The following INPP5A variants were observed in gnomAD, a reference collection of about 807,000 sequenced individuals.
INPP5A encodes 43 kDa inositol polyphosphate 5-phophatase.
In INPP5A, 14 loss-of-function variants were observed where a neutral mutation model predicts 65.2. The ratio of observed to expected loss-of-function variants is 0.21; its 90% CI spans 0.14 to 0.34. INPP5A has a LOEUF of 0.34. Ranked by LOEUF, INPP5A falls within the 10% of genes least tolerant of loss-of-function variation. INPP5A has a pLI of 1.00. For synonymous variants in INPP5A, 207 were observed against 208.3 expected, an observed-to-expected ratio of 0.99 and a Z score of 0.05; for missense variants, 431 against 545.6, an observed-to-expected ratio of 0.79 and a Z score of 2.09.
chr10:132,580,448 T>C (rs1564923237), intron 1 of INPP5A, among the ~76,000 whole-genome samples: 1 of 152,226 alleles, frequency 6.6e-6, no homozygotes, highest in Non-Finnish European at 1.5e-5. Flanking sequence ...CTCCCAGCCA[T>C]GTTTCCTGTA....
At chr10:132,563,012 G>A (rs2071225440) in intron 1 of INPP5A, among the ~76,000 whole-genome samples, 1 of 152,228 alleles carries the variant, frequency 6.6e-6, no homozygotes, top group South Asian at 2.1e-4. Context: ...AGGGCGCGGG[G>A]AGGAGGTGCC....
intron 4 of INPP5A, among the ~76,000 whole-genome samples, chr10:132,669,997 C>T (rs1377836875): frequency 6.6e-6 from 1 of 151,926 alleles, no homozygotes; most frequent in Non-Finnish European, 1.5e-5. Flanking sequence ...AACCTCTTTG[C>T]AGAAAATCCC....
intron 14 of INPP5A, among the ~76,000 whole-genome samples, 193 bp from the exon 15 acceptor site, chr10:132,781,668 G>C (rs1288231678): frequency 6.6e-6 from 1 of 152,138 alleles, no homozygotes; most frequent in Non-Finnish European, 1.5e-5. Flanking sequence ...CCACATTCAC[G>C]GGGCCCCCAA....
In INPP5A at chr10:132,537,992, C is replaced by T; in HGVS notation, c.-105C>T. On this transcript the variant is annotated 5_prime_UTR_variant, in exon 1 of 16. Transcript: ENST00000368594. ...GATGCGCCCCGGGGCCGCCCCCCGG[C>T]GCAGCTGACGCCCCGCGGCCCCGCG... The T allele has an allele frequency of 2.7e-6, 1 of 364,278 alleles. No homozygotes were observed. Among genetic ancestry groups the T allele is most frequent in the Non-Finnish European group, 3.8e-6 (1 of 264,578 alleles). 22.6% of individuals were successfully genotyped at this position (364,278 alleles called of 1,614,324 possible).
Position 132,575,554 on chromosome 10 carries a change from C to T in INPP5A, c.76-32361C>T, listed in dbSNP as rs1222725987. On this transcript the variant is annotated intron_variant, in intron 1 of 15. Coordinates refer to ENST00000368594, the MANE Select transcript of INPP5A (RefSeq NM_005539.5). This position sits in a 1 kb window ranked among gnomAD's most constrained non-coding sequence, Gnocchi z 5.4. ...AAAAGGGGAAAGCAATGAGCACTAT[C>T]CTACTTCCCTAACCCAACCACAAGC... 6.6e-6 allele frequency among the ~76,000 whole-genome samples: 1 copy of T among 152,204 alleles called. No individual in the cohort carries two copies. The highest frequency in any genetic ancestry group is 2.4e-5 in the African/African-American group (1 of 41,450).
intron 12 of INPP5A, among the ~76,000 whole-genome samples, chr10:132,773,475 A>G (rs1250227247): frequency 6.6e-6 from 1 of 152,260 alleles, no homozygotes; most frequent in Non-Finnish European, 1.5e-5. Flanking sequence ...ATTAGGGATT[A>G]GGAGGCCCCT....
intron 3 of INPP5A, among the ~76,000 whole-genome samples, chr10:132,648,235 C>G (rs1372304699): frequency 6.6e-6 from 1 of 152,280 alleles, no homozygotes; most frequent in African/African-American, 2.4e-5. Context: ...GCCCTCACAG[C>G]AGGCGGGGAC....
chr10:132,664,404 CT>C (rs1258728232), intron 4 of INPP5A, among the ~76,000 whole-genome samples: 1 of 152,266 alleles, frequency 6.6e-6, no homozygotes, highest in Non-Finnish European at 1.5e-5. Flanking sequence ...TGAATGTGAG[CT>C]TTTATGTCAC....
Position 132,551,028 on chromosome 10 carries a change from G to T in INPP5A, c.75+12857G>T, listed in dbSNP as rs940163469. On this transcript the variant is annotated intron_variant, in intron 1 of 15. Coordinates refer to ENST00000368594, the MANE Select transcript of INPP5A (RefSeq NM_005539.5). The surrounding 1 kb of genome is among the most constrained non-coding windows in gnomAD (Gnocchi z 5.3). Reference sequence around the variant, plus strand: ...AAAGGGGCTGCACTGTGGTCCATTTGGGCCAGTGGCTTCAGTAGCCACACG... The same window carrying T: ...AAAGGGGCTGCACTGTGGTCCATTTTGGCCAGTGGCTTCAGTAGCCACACG... Among the ~76,000 whole-genome samples, 1 of 152,222 alleles carries T rather than the reference G, an allele frequency of 6.6e-6. No homozygotes were observed. Among genetic ancestry groups the T allele is most frequent in the African/African-American group, 2.4e-5 (1 of 41,450 alleles).
intron 1 of INPP5A, among the ~76,000 whole-genome samples, chr10:132,596,389 A>G (rs1301781112): frequency 6.6e-6 from 1 of 151,902 alleles, no homozygotes; most frequent in African/African-American, 2.4e-5. Context: ...TCTTGGCAGA[A>G]GAGGACACCC....
At chr10:132,776,841 G>C (rs1847072691) in intron 12 of INPP5A, among the ~76,000 whole-genome samples, 1 of 152,180 alleles carries the variant, frequency 6.6e-6, no homozygotes, top group Non-Finnish European at 1.5e-5. Context: ...CCATGGCCAT[G>C]AGGCTCCAGG....
rs1258122606 is a variant in INPP5A at position 132,551,761 on chromosome 10, G to C, written c.75+13590G>C. The stretch of plus-strand genomic sequence containing the variant: ...GTGGGAATGGGCCTGACCAGCTAGG[G>C]AACAGAGGCAGGACCCAGGGGGACA... On this transcript the variant is annotated intron_variant, in intron 1 of 15. Coordinates refer to ENST00000368594, the MANE Select transcript of INPP5A (RefSeq NM_005539.5). The surrounding 1 kb of genome is among the most constrained non-coding windows in gnomAD (Gnocchi z 5.3). Among the ~76,000 whole-genome samples the C allele has an allele frequency of 1.3e-5, 2 of 152,190 alleles. No homozygotes were observed. The highest frequency in any genetic ancestry group is 2.9e-5 in the Non-Finnish European group (2 of 68,028).
At chr10:132,710,603 G>C (rs1845618462) in intron 8 of INPP5A, 147 bp downstream of exon 8, 2 of 1,160,122 alleles carry the variant, frequency 1.7e-6, no homozygotes, top group Admixed American at 4.4e-5. Flanking sequence ...GGACAGGTCA[G>C]TGTGGATGGA....
At chr10:132,695,915 C>T (rs548044419) in intron 5 of INPP5A, among the ~76,000 whole-genome samples, 4 of 152,256 alleles carry the variant, frequency 2.6e-5, no homozygotes, top group African/African-American at 9.6e-5. Context: ...TGCCCCCCAC[C>T]CCCAAATTCA....
At chr10:132,626,792 T>C (rs1266118150) in intron 2 of INPP5A, among the ~76,000 whole-genome samples, 3 of 152,208 alleles carry the variant, frequency 2.0e-5, no homozygotes, top group African/African-American at 7.2e-5. Context: ...GGGGTTCCTG[T>C]GGCGACTGTG....
rs562996365 is a variant in INPP5A at position 132,545,548 on chromosome 10, C to T, written c.75+7377C>T. Among the ~76,000 whole-genome samples, 3 of 152,158 alleles carry T rather than the reference C, an allele frequency of 2.0e-5. No individual in the cohort carries two copies. Among genetic ancestry groups the T allele is most frequent in the Non-Finnish European group, 2.9e-5 (2 of 68,026 alleles). ...CGGGGTGTTCCCGCTGTCTCCTGGG[C>T]GGGTCCTTCTGATGTGAGTGCACTC... On this transcript the variant is annotated intron_variant, in intron 1 of 15. Coordinates refer to ENST00000368594, the MANE Select transcript of INPP5A (RefSeq NM_005539.5). This position sits in a 1 kb window ranked among gnomAD's most constrained non-coding sequence, Gnocchi z 4.6.
At chr10:132,750,670 G>A (rs778058622) in intron 11 of INPP5A, among the ~76,000 whole-genome samples, 6 of 152,360 alleles carry the variant, frequency 3.9e-5, no homozygotes, top group Non-Finnish European at 7.4e-5. Flanking sequence ...GGCCTCGGCC[G>A]ATTTCTGTAA....
chr10:132,539,099 A>G (rs1564908915), intron 1 of INPP5A, among the ~76,000 whole-genome samples: 1 of 152,034 alleles, frequency 6.6e-6, no homozygotes, highest in Non-Finnish European at 1.5e-5. Context: ...CTGAATCCTG[A>G]ATCCTGGTCT....
rs111702118 is a variant in INPP5A, at chr10:132,663,472, T to C, written c.306+12967T>C. On this transcript the variant is annotated intron_variant, in intron 4 of 15. Transcript: ENST00000368594. The surrounding 1 kb of genome is among the most constrained non-coding windows in gnomAD (Gnocchi z 4.5). The stretch of plus-strand genomic sequence containing the variant: ...CTGGCCTCAAGTGATCCTCTTGCCT[T>C]GGCCTCTCAAAGTGCTGGGATTACA... Among the ~76,000 whole-genome samples the C allele has an allele frequency of 0.029, 4,382 of 152,282 alleles. 94 individuals are homozygous for C. The highest frequency in any genetic ancestry group is 0.052 in the African/African-American group (2,151 of 41,558).
Sources: gnomAD v4.1 joint callset for allele counts (sites outside exome capture counted in the v4.1 genomes callset) on GRCh38, gnomAD v4.1.1 for gene constraint, Gnocchi (gnomAD v3.1) non-coding constraint, MANE v1.5 for transcripts, NCBI Gene and HGNC (gene_info 2026-07-23, HGNC 2026-07-21) for gene names.